The following CWF19L2 variants were observed in gnomAD, a reference collection of about 807,000 sequenced individuals.
CWF19L2 encodes CWF19 like cell cycle control factor 2, also known as CWF19-like protein 2.
CWF19L2 carries 98 observed loss-of-function variants against 111.7 expected under a neutral mutation model. That is an observed-to-expected ratio of 0.88 (90% CI 0.75 to 1.04). The LOEUF (loss-of-function observed/expected upper bound fraction) is 1.04, where lower values mean the gene tolerates loss of function less well. Ranked by LOEUF, CWF19L2 falls within the 50% of genes least tolerant of loss-of-function variation. CWF19L2 has a pLI of 0.00. For missense variants in CWF19L2, 1,101 were observed against 1,051.4 expected (o/e 1.05, Z -0.65); for synonymous variants, 351 against 342.9 (o/e 1.02, Z -0.26).
At chr11:107,392,988 G>A (rs920362111) in intron 10 of CWF19L2, 93 bp from the exon 11 acceptor site, 30 of 770,928 alleles carry the variant, frequency 3.9e-5, no homozygotes, top group African/African-American at 7.5e-5. Context: ...AATGATTAAC[G>A]TTTCCACATA....
chr11:107,403,981 G>T, intron 10 of CWF19L2: 1 of 858,896 alleles, frequency 1.2e-6, no homozygotes. Flanking sequence ...CTGACCGAAC[G>T]TCTGGCACCA....
At chr11:107,410,031 T>C (rs146837366) in intron 10 of CWF19L2, among the ~76,000 whole-genome samples, 257 of 152,258 alleles carry the variant, frequency 1.7e-3, no homozygotes, top group Middle Eastern at 0.01. Flanking sequence ...ATAGTGCTGA[T>C]GGTTTTTCAC....
chr11:107,362,695 A>G (rs1037339709), intron 12 of CWF19L2, among the ~76,000 whole-genome samples: 12 of 151,312 alleles, frequency 7.9e-5, no homozygotes, highest in South Asian at 6.2e-4. Flanking sequence ...TCAAAGACCA[A>G]AAGTAGATAA....
intron 3 of CWF19L2, among the ~76,000 whole-genome samples, chr11:107,449,161 AC>A (rs1255273690): frequency 2.0e-5 from 3 of 150,850 alleles, no homozygotes; most frequent in African/African-American, 7.3e-5. Context: ...AAAAGAAAAC[AC>A]TATAAACTTA....
intron 16 of CWF19L2, among the ~76,000 whole-genome samples, chr11:107,333,639 G>A (rs184741665): frequency 6.6e-6 from 1 of 152,244 alleles, no homozygotes; most frequent in Admixed American, 6.5e-5. Flanking sequence ...TTAATATGTT[G>A]TCTGGCCCAA....
intron 10 of CWF19L2, among the ~76,000 whole-genome samples, chr11:107,407,695 G>C (rs551739396): frequency 6.6e-6 from 1 of 151,890 alleles, no homozygotes. Context: ...CTGTTACAGA[G>C]CCCTGTTCAA....
intron 2 of CWF19L2, 70 bp from the exon 3 acceptor site, chr11:107,454,642 G>GA (rs1861828410): frequency 1.1e-4 from 119 of 1,072,342 alleles, no homozygotes; most frequent in South Asian, 1.5e-4. Context: ...TATTCTGAGA[G>GA]AAAAAAAATA....
In CWF19L2 at chr11:107,368,605, G is replaced by T. The variant is rs112439949; in HGVS notation, c.1873-14869C>A. Among the ~76,000 whole-genome samples the T allele has an allele frequency of 1.5e-5, 2 of 137,668 alleles. 1 individual carries two copies. Among genetic ancestry groups the T allele is most frequent in the African/African-American group, 5.8e-5 (2 of 34,570 alleles). 90.3% of individuals were successfully genotyped at this position (137,668 alleles called of 152,430 possible). ...TGACTGACAGCTGATGATGTGTGAG[G>T]TGCCAAATTATGACTGATATTCAGA... On this transcript the variant is annotated intron_variant, in intron 12 of 17. Coordinates refer to ENST00000282251, the MANE Select transcript of CWF19L2 (RefSeq NM_152434.3).
intron 6 of CWF19L2, 146 bp downstream of exon 6, chr11:107,438,944 G>A (rs1305341066): frequency 2.4e-5 from 13 of 552,218 alleles, no homozygotes; most frequent in Admixed American, 1.4e-4. Context: ...GGAGGCTGAG[G>A]TGGGAGGATC....
chr11:107,361,873 C>T (rs149343989), intron 12 of CWF19L2, among the ~76,000 whole-genome samples: 7,129 of 152,212 alleles, frequency 0.047, 336 homozygotes, highest in East Asian at 0.22. Flanking sequence ...GCGTGAGAGA[C>T]GCAGAAGACG....
chr11:107,445,369 G>A (rs972044731), intron 3 of CWF19L2, among the ~76,000 whole-genome samples: 1 of 152,134 alleles, frequency 6.6e-6, no homozygotes, highest in African/African-American at 2.4e-5. Context: ...ACTTTGGGAG[G>A]CCGAGGCGGG....
intron 14 of CWF19L2, among the ~76,000 whole-genome samples, chr11:107,337,766 G>A (rs1014614653): frequency 1.3e-5 from 2 of 152,142 alleles, no homozygotes; most frequent in African/African-American, 4.8e-5. Context: ...AAGAGTTTAT[G>A]AAAGTATATT....
chr11:107,379,928 G>C (rs1474310263), intron 12 of CWF19L2, among the ~76,000 whole-genome samples: 1 of 151,494 alleles, frequency 6.6e-6, no homozygotes, highest in African/African-American at 2.4e-5. Context: ...GGGCATGGTT[G>C]CAGGCCCCTA....
At chr11:107,351,655 C>A (rs1239899112) in intron 13 of CWF19L2, among the ~76,000 whole-genome samples, 3 of 152,140 alleles carry the variant, frequency 2.0e-5, no homozygotes, top group Non-Finnish European at 4.4e-5. Context: ...ATAAAGGCAT[C>A]CAGTTATTTA....
intron 10 of CWF19L2, among the ~76,000 whole-genome samples, chr11:107,415,788 C>T (rs1565274973): frequency 2.0e-5 from 3 of 152,138 alleles, no homozygotes; most frequent in Non-Finnish European, 2.9e-5. Context: ...TATACAGACA[C>T]ATCTCACATT....
At chr11:107,431,382 G>A (rs984080215) in intron 7 of CWF19L2, among the ~76,000 whole-genome samples, 1 of 151,656 alleles carries the variant, frequency 6.6e-6, no homozygotes, top group Non-Finnish European at 1.5e-5. Flanking sequence ...TAACCTCAAT[G>A]GCATATGCAT....
chr11:107,354,861 A>G (rs941461806), intron 12 of CWF19L2, among the ~76,000 whole-genome samples: 1 of 152,212 alleles, frequency 6.6e-6, no homozygotes, highest in Non-Finnish European at 1.5e-5. Flanking sequence ...GGGTCAACCC[A>G]TGAGGTTTAA....
chr11:107,455,480 T>C (rs915097923), intron 2 of CWF19L2, among the ~76,000 whole-genome samples, 186 bp downstream of exon 2: 7 of 152,204 alleles, frequency 4.6e-5, no homozygotes, highest in Admixed American at 2.6e-4. Flanking sequence ...ACTTGAGTCA[T>C]AATGTCCAAA....
At chr11:107,437,969 T>C (rs891532947) in intron 6 of CWF19L2, among the ~76,000 whole-genome samples, 5 of 152,162 alleles carry the variant, frequency 3.3e-5, no homozygotes. Flanking sequence ...ATAGTTACTA[T>C]TACATAACTC....
Sources: allele counts gnomAD v4.1 joint callset (sites outside exome capture counted in the v4.1 genomes callset), GRCh38; gene constraint gnomAD v4.1.1; transcripts MANE v1.5; gene names NCBI Gene and HGNC (gene_info 2026-07-23, HGNC 2026-07-21).